Variants in SMYD3 observed in about 807,000 individuals in gnomAD.
The protein encoded by SMYD3 is SET and MYND domain containing 3.
SMYD3 carries 36 observed loss-of-function variants against 57.7 expected under a neutral mutation model. The ratio of observed to expected loss-of-function variants is 0.62; its 90% CI spans 0.48 to 0.82. SMYD3 has a LOEUF of 0.82. SMYD3 is among the 40% of genes least tolerant of loss of function. The probability of loss-of-function intolerance (pLI) is 0.00; values close to 1 mark genes in which losing one functional copy is unlikely to be tolerated. For synonymous variants in SMYD3, 211 were observed against 195.0 expected (o/e 1.08, Z -0.68); for missense variants, 515 against 538.8 (o/e 0.96, Z 0.44).
intron 5 of SMYD3, among the ~76,000 whole-genome samples, chr1:245,943,222 T>G (rs1285735759): frequency 6.7e-6 from 1 of 149,996 alleles, no homozygotes; most frequent in Non-Finnish European, 1.5e-5. Context: ...TTTTTTTTTT[T>G]TTTTTTTAAA....
chr1:246,345,708 A>T (rs1205086094), intron 2 of SMYD3, among the ~76,000 whole-genome samples: 2 of 152,196 alleles, frequency 1.3e-5, no homozygotes, highest in Non-Finnish European at 2.9e-5. Context: ...TCCCAGGGAC[A>T]GCCAATTCTA....
chr1:246,131,519 A>G (rs988615840), intron 5 of SMYD3, among the ~76,000 whole-genome samples: 3 of 152,210 alleles, frequency 2.0e-5, no homozygotes, highest in South Asian at 2.1e-4. Context: ...AGGAAAGAAT[A>G]TACATTTCCG....
chr1:246,310,505 T>C (rs1265460600), intron 5 of SMYD3, among the ~76,000 whole-genome samples: 3 of 152,130 alleles, frequency 2.0e-5, no homozygotes, highest in African/African-American at 7.2e-5. Context: ...CCCATTCCTG[T>C]CCTAATGGAC....
At chr1:245,954,234 C>T (rs1342974323) in intron 5 of SMYD3, among the ~76,000 whole-genome samples, 2 of 152,152 alleles carry the variant, frequency 1.3e-5, no homozygotes, top group Non-Finnish European at 2.9e-5. Flanking sequence ...CTCAGACAAG[C>T]GTTTTAAAGA....
At chr1:246,373,206 G>C (rs1012532423) in intron 1 of SMYD3, among the ~76,000 whole-genome samples, 2 of 151,516 alleles carry the variant, frequency 1.3e-5, no homozygotes, top group African/African-American at 4.9e-5. Context: ...CCATTTTTCA[G>C]TTTTATATAA....
intron 10 of SMYD3, among the ~76,000 whole-genome samples, chr1:245,815,385 T>C (rs979133097): frequency 6.6e-6 from 1 of 152,228 alleles, no homozygotes; most frequent in Non-Finnish European, 1.5e-5. Context: ...CCAATCTCCA[T>C]GGTCATCTAG....
intron 5 of SMYD3, among the ~76,000 whole-genome samples, chr1:245,981,238 C>A (rs928998284): frequency 6.6e-6 from 1 of 152,220 alleles, no homozygotes; most frequent in African/African-American, 2.4e-5. Flanking sequence ...CAACAGCACA[C>A]AGTGCTAAGG....
intron 1 of SMYD3, among the ~76,000 whole-genome samples, chr1:246,394,301 T>C (rs2066621204): frequency 6.6e-6 from 1 of 152,216 alleles, no homozygotes; most frequent in Non-Finnish European, 1.5e-5. Flanking sequence ...AAACAGCTGT[T>C]TCTCACCAAT....
chr1:246,500,330 A>G (rs1175612104), intron 1 of SMYD3, among the ~76,000 whole-genome samples: 3 of 152,314 alleles, frequency 2.0e-5, no homozygotes, highest in African/African-American at 7.2e-5. Context: ...GCAAACATAA[A>G]CAGTCAAAAC....
chr1:245,982,696 C>T (rs942661605), intron 5 of SMYD3, among the ~76,000 whole-genome samples: 1 of 152,146 alleles, frequency 6.6e-6, no homozygotes. Flanking sequence ...ATTGCATATT[C>T]CACTAAACTG....
intron 5 of SMYD3, among the ~76,000 whole-genome samples, chr1:246,249,918 C>T (rs553295755): frequency 6.6e-6 from 1 of 152,290 alleles, no homozygotes; most frequent in South Asian, 2.1e-4. Context: ...AAGAGCAGCT[C>T]CCCCAGGTAG....
intron 10 of SMYD3, among the ~76,000 whole-genome samples, chr1:245,771,787 G>C (rs1320089110): frequency 6.6e-6 from 1 of 151,998 alleles, no homozygotes; most frequent in East Asian, 1.9e-4. Context: ...ATGCCTTTGT[G>C]GTAGGATAAC....
chr1:246,083,659 G>T (rs913960179), intron 5 of SMYD3, among the ~76,000 whole-genome samples: 4 of 152,188 alleles, frequency 2.6e-5, no homozygotes, highest in Non-Finnish European at 5.9e-5. Context: ...CAGCAGACAG[G>T]AAGAGCCAGT....
intron 11 of SMYD3, among the ~76,000 whole-genome samples, chr1:245,752,445 C>A (rs1013431136): frequency 2.6e-5 from 4 of 152,214 alleles, no homozygotes; most frequent in African/African-American, 7.2e-5. Context: ...ATCTGTGCTT[C>A]TCTCTGACTT....
intron 11 of SMYD3, among the ~76,000 whole-genome samples, chr1:245,752,605 A>G (rs765941632): frequency 7.2e-5 from 11 of 152,134 alleles, no homozygotes; most frequent in Non-Finnish European, 1.2e-4. Flanking sequence ...CCTCTTTTGC[A>G]GCTTTAAGAG....
intron 5 of SMYD3, among the ~76,000 whole-genome samples, chr1:245,946,640 A>C (rs973632215): frequency 6.6e-6 from 1 of 152,002 alleles, no homozygotes; most frequent in African/African-American, 2.4e-5. Context: ...TTATGAAGGA[A>C]GTACGTACAG....
Position 246,100,856 on chromosome 1 carries a change from C to A in SMYD3, c.532-170919G>T, listed in dbSNP as rs112058936. Among the ~76,000 whole-genome samples, 62 of 151,478 alleles carry A rather than the reference C, an allele frequency of 4.1e-4. 1 individual carries two copies. The highest frequency in any genetic ancestry group is 1.4e-3 in the African/African-American group (60 of 41,456). ...GCAACTTCTTGTCCATGCAGTCTTA[C>A]CATGAGGAGGATATTATCATGGAGA... On this transcript the variant is annotated intron_variant, in intron 5 of 11. Transcript: ENST00000490107.
intron 8 of SMYD3, among the ~76,000 whole-genome samples, chr1:245,885,442 C>T (rs4654064): frequency 0.31 from 47,157 of 152,082 alleles, 8,976 homozygotes; most frequent in East Asian, 0.76. Context: ...GTCTGTGACT[C>T]GATTTTACAG....
chr1:245,892,202 T>G (rs1427200931), intron 8 of SMYD3, among the ~76,000 whole-genome samples: 1 of 152,128 alleles, frequency 6.6e-6, no homozygotes, highest in Non-Finnish European at 1.5e-5. Context: ...TGTGAACAAT[T>G]CAGAGACTCT....
Sources: gnomAD v4.1 joint callset for allele counts (sites outside exome capture counted in the v4.1 genomes callset) on GRCh38, gnomAD v4.1.1 for gene constraint, MANE v1.5 for transcripts, NCBI Gene and HGNC (gene_info 2026-07-23, HGNC 2026-07-21) for gene names.